The following PLEKHH2 variants were observed in gnomAD, a reference collection of about 807,000 sequenced individuals.
PLEKHH2 encodes the protein pleckstrin homology domain-containing family H member 2.
A neutral mutation model predicts 187.9 loss-of-function variants in PLEKHH2; 129 were observed. That is an observed-to-expected ratio of 0.69 (90% CI 0.59 to 0.79). The LOEUF is 0.79. Among genes scored for constraint, PLEKHH2 ranks in the 30% least tolerant of loss-of-function variants. The probability of loss-of-function intolerance (pLI) is 0.00; values close to 1 mark genes in which losing one functional copy is unlikely to be tolerated. For missense variants in PLEKHH2, 2,076 were observed against 1,751.2 expected, an observed-to-expected ratio of 1.19 and a Z score of -3.31; for synonymous variants, 686 against 605.6, an observed-to-expected ratio of 1.13 and a Z score of -1.95.
chr2:43,750,881 C>A (rs138469141), intron 24 of PLEKHH2, among the ~76,000 whole-genome samples: 409 of 152,268 alleles, frequency 2.7e-3, no homozygotes, highest in African/African-American at 9.3e-3. Context: ...CCTTTAGAAT[C>A]TTCCAGTTTA....
At chr2:43,684,380 C>A (rs1355900484) in intron 3 of PLEKHH2, among the ~76,000 whole-genome samples, 1 of 151,930 alleles carries the variant, frequency 6.6e-6, no homozygotes, top group Non-Finnish European at 1.5e-5. Flanking sequence ...CTTTAACTGC[C>A]CATATTATGG....
intron 2 of PLEKHH2, among the ~76,000 whole-genome samples, chr2:43,648,833 G>A (rs1030151929): frequency 3.3e-5 from 5 of 151,926 alleles, no homozygotes; most frequent in Non-Finnish European, 7.4e-5. Flanking sequence ...ACCCATCTCA[G>A]CCTCCCAAAG....
chr2:43,676,521 C>A (rs1186610136), intron 2 of PLEKHH2, among the ~76,000 whole-genome samples: 1 of 151,744 alleles, frequency 6.6e-6, no homozygotes, highest in Admixed American at 6.6e-5. Flanking sequence ...CGGGCTGCTG[C>A]GGGTGAGAGG....
chr2:43,666,368 C>G (rs1029077270), intron 2 of PLEKHH2, among the ~76,000 whole-genome samples: 2 of 151,304 alleles, frequency 1.3e-5, no homozygotes, highest in Non-Finnish European at 2.9e-5. Context: ...CCTGCGCCCA[C>G]TGTCTGGCAC....
intron 1 of PLEKHH2, among the ~76,000 whole-genome samples, chr2:43,640,406 G>A (rs1665841499): frequency 6.6e-6 from 1 of 152,030 alleles, no homozygotes; most frequent in African/African-American, 2.4e-5. Context: ...GCACAGTCTG[G>A]TCTTGAACTC....
intron 3 of PLEKHH2, among the ~76,000 whole-genome samples, chr2:43,690,895 A>G (rs1326190231): frequency 6.6e-6 from 1 of 152,244 alleles, no homozygotes; most frequent in African/African-American, 2.4e-5. Context: ...AAGGAGAGAA[A>G]AGTGAGAACT....
chr2:43,673,595 C>CAT, intron 2 of PLEKHH2, among the ~76,000 whole-genome samples: 1 of 152,078 alleles, frequency 6.6e-6, no homozygotes, highest in Non-Finnish European at 1.5e-5. Flanking sequence ...AAAAATAACA[C>CAT]ATATATATGG....
intron 15 of PLEKHH2, among the ~76,000 whole-genome samples, chr2:43,716,461 T>A (rs762060009): frequency 3.9e-5 from 6 of 152,170 alleles, no homozygotes; most frequent in Non-Finnish European, 8.8e-5. Context: ...TTCAGGAAAG[T>A]AGGATGTACC....
intron 3 of PLEKHH2, among the ~76,000 whole-genome samples, chr2:43,679,994 C>G (rs892721389): frequency 7.8e-6 from 1 of 128,420 alleles, no homozygotes; most frequent in African/African-American, 3.2e-5. Context: ...AAGATGTTTT[C>G]ATAAGTCACA....
At chr2:43,648,792 C>G (rs1666321184) in intron 2 of PLEKHH2, among the ~76,000 whole-genome samples, 1 of 150,428 alleles carries the variant, frequency 6.6e-6, no homozygotes, top group South Asian at 2.1e-4. Flanking sequence ...GTTGGCCAGG[C>G]TGGTCTTGAA....
chr2:43,706,386 G>A lies in PLEKHH2; in HGVS notation c.1791G>A (p.Met597Ile). Residue 597 changes from methionine (M) to isoleucine (I), a missense_variant, in exon 10 of 30, where the codon ATG becomes ATA. Coordinates refer to ENST00000282406, the MANE Select transcript of PLEKHH2 (RefSeq NM_172069.4). ...GLYTSLIYKNMTTPVYTTLKG... is the reference protein window; with the variant it reads ...GLYTSLIYKNITTPVYTTLKG... ...ATACATCTCTGATATACAAGAACAT[G>A]ACCACCCCAGTGTATACAACTTTGA... The A allele has an allele frequency of 6.2e-7, 1 of 1,604,150 alleles. No homozygotes were observed. The highest frequency in any genetic ancestry group is 2.2e-5 in the East Asian group (1 of 44,804).
intron 2 of PLEKHH2, among the ~76,000 whole-genome samples, chr2:43,655,820 C>CT (rs777519130): frequency 1.3e-5 from 2 of 152,078 alleles, no homozygotes; most frequent in Non-Finnish European, 2.9e-5. Flanking sequence ...CAGCAGCAGA[C>CT]TTTTAATTTG....
At chr2:43,735,339 T>C (rs1270395980) in intron 19 of PLEKHH2, among the ~76,000 whole-genome samples, 4 of 152,182 alleles carry the variant, frequency 2.6e-5, no homozygotes, top group Non-Finnish European at 5.9e-5. Flanking sequence ...ACAAATATCT[T>C]ATGTTTTCAC....
At chr2:43,651,031 TA>T (rs1388759728) in intron 2 of PLEKHH2, among the ~76,000 whole-genome samples, 2 of 152,220 alleles carry the variant, frequency 1.3e-5, no homozygotes, top group African/African-American at 4.8e-5. Context: ...ATATTTACAT[TA>T]ATGCAATGTG....
Position 43,676,704 on chromosome 2 carries a change from G to A in PLEKHH2, c.124-2159G>A, listed in dbSNP as rs144085134. Reference sequence around the variant, plus strand: ...TTCAGCCCCTGGTACAACACATCCCGTATGTTGATTAGCATGGGGTCCTTC... The same window carrying A: ...TTCAGCCCCTGGTACAACACATCCCATATGTTGATTAGCATGGGGTCCTTC... On this transcript the variant is annotated intron_variant, in intron 2 of 29. Coordinates refer to ENST00000282406, the MANE Select transcript of PLEKHH2 (RefSeq NM_172069.4). Among the ~76,000 whole-genome samples, 591 of 152,232 alleles carry A rather than the reference G, an allele frequency of 3.9e-3. 2 individuals are homozygous for A. The highest frequency in any genetic ancestry group is 0.013 in the African/African-American group (555 of 41,552).
intron 2 of PLEKHH2, among the ~76,000 whole-genome samples, chr2:43,650,870 C>A (rs983409689): frequency 1.3e-5 from 2 of 152,024 alleles, no homozygotes; most frequent in East Asian, 1.9e-4. Flanking sequence ...TGGTCTTGAA[C>A]TCCTGACCTT....
At chr2:43,666,528 G>A (rs1375537071) in intron 2 of PLEKHH2, among the ~76,000 whole-genome samples, 3 of 152,138 alleles carry the variant, frequency 2.0e-5, no homozygotes, top group Admixed American at 6.5e-5. Flanking sequence ...AGAAACTGCC[G>A]AACTGTTTCT....
At chr2:43,653,259 T>C (rs770595843) in intron 2 of PLEKHH2, among the ~76,000 whole-genome samples, 1 of 152,136 alleles carries the variant, frequency 6.6e-6, no homozygotes, top group East Asian at 1.9e-4. Flanking sequence ...GTTTAGAATA[T>C]AGAGATCAAA....
intron 1 of PLEKHH2, among the ~76,000 whole-genome samples, chr2:43,638,480 C>T (rs1256328445): frequency 6.6e-6 from 1 of 152,142 alleles, no homozygotes; most frequent in Non-Finnish European, 1.5e-5. Flanking sequence ...AGCATTCACT[C>T]CACAATTGTA....
Sources: allele counts gnomAD v4.1 joint callset (sites outside exome capture counted in the v4.1 genomes callset), GRCh38; gene constraint gnomAD v4.1.1; transcripts MANE v1.5; gene names NCBI Gene and HGNC (gene_info 2026-07-23, HGNC 2026-07-21).